The following LHFPL4 variants were observed in gnomAD, a reference collection of about 807,000 sequenced individuals.
LHFPL4 encodes LHFPL tetraspan subfamily member 4, also known as LHFPL tetraspan subfamily member 4 protein.
A neutral mutation model predicts 20.0 loss-of-function variants in LHFPL4; 6 were observed. The observed-to-expected ratio is 0.30, with a 90% CI of 0.16 to 0.59. LHFPL4 has a LOEUF of 0.59. Among genes scored for constraint, LHFPL4 ranks in the 20% least tolerant of loss-of-function variants. LHFPL4 has a pLI of 0.88. For synonymous variants in LHFPL4, 129 were observed against 143.8 expected, an observed-to-expected ratio of 0.90 and a Z score of 0.74; for missense variants, 215 against 331.2, an observed-to-expected ratio of 0.65 and a Z score of 2.72.
intron 2 of LHFPL4, among the ~76,000 whole-genome samples, chr3:9,541,887 A>T (rs2046478931): frequency 6.6e-6 from 1 of 152,192 alleles, no homozygotes; most frequent in South Asian, 2.1e-4. Context: ...CTTTGGGAAC[A>T]TCTGTCAGTT....
intron 3 of LHFPL4, 150 bp from the exon 4 acceptor site, chr3:9,502,461 G>A (rs2046183854): frequency 1.5e-6 from 1 of 654,968 alleles, no homozygotes. Context: ...CAGCACTTTG[G>A]GAGGCTGAGG....
chr3:9,552,211 C>A, intron 2 of LHFPL4, 63 bp downstream of exon 2: 1 of 1,529,458 alleles, frequency 6.5e-7, no homozygotes, highest in Non-Finnish European at 8.8e-7. Context: ...GGAAGGGGAC[C>A]TGGCAGGAAG....
Position 9,506,877 on chromosome 3 carries a change from G to A in LHFPL4, c.407-674C>T, listed in dbSNP as rs181346460. ...ATTATAGGAGTGAGCCACCACACCCGCCCTCATTGTTATTTTTTAAATTCT... is the reference window on the plus strand; with the variant it reads ...ATTATAGGAGTGAGCCACCACACCCACCCTCATTGTTATTTTTTAAATTCT... On this transcript the variant is annotated intron_variant, in intron 2 of 3. Transcript: ENST00000287585. The surrounding 1 kb of genome is among the most constrained non-coding windows in gnomAD (Gnocchi z 4.5). Among the ~76,000 whole-genome samples the A allele has an allele frequency of 1.3e-5, 2 of 152,090 alleles. No homozygotes were observed. Among genetic ancestry groups the A allele is most frequent in the African/African-American group, 2.4e-5 (1 of 41,432 alleles).
In LHFPL4 at chr3:9,500,561, C is replaced by G. The variant is rs996900120; in HGVS notation, c.*1650G>C. 1 of 152,278 alleles carries G rather than the reference C, an allele frequency of 6.6e-6. No individual in the cohort carries two copies. The highest frequency in any genetic ancestry group is 2.1e-4 in the South Asian group (1 of 4,838). 9.4% of individuals were successfully genotyped at this position (152,278 alleles called of 1,614,324 possible). The stretch of plus-strand genomic sequence containing the variant: ...ACTTCTAGGGTCTTTCTTGGAAACC[C>G]TAACTCTCAGGTCCAAGTCCTGTGG... On this transcript the variant is annotated 3_prime_UTR_variant, in exon 4 of 4. Transcript: ENST00000287585.
intron 2 of LHFPL4, among the ~76,000 whole-genome samples, chr3:9,510,604 C>T (rs923700200): frequency 6.6e-6 from 1 of 151,918 alleles, no homozygotes; most frequent in Non-Finnish European, 1.5e-5. Flanking sequence ...TTAAGATGAA[C>T]AATGTTAATA....
chr3:9,528,485 C>T (rs1397051564), intron 2 of LHFPL4, among the ~76,000 whole-genome samples: 2 of 152,158 alleles, frequency 1.3e-5, no homozygotes, highest in East Asian at 3.8e-4. Flanking sequence ...TTCGCCACAC[C>T]TTCAGTTACT....
chr3:9,542,291 G>GA (rs1559523021), intron 2 of LHFPL4, among the ~76,000 whole-genome samples: 1 of 150,852 alleles, frequency 6.6e-6, no homozygotes. Flanking sequence ...GTCTCAAAAA[G>GA]AAAAAAAAGA....
intron 2 of LHFPL4, among the ~76,000 whole-genome samples, chr3:9,534,948 G>A (rs986368480): frequency 6.6e-6 from 1 of 152,038 alleles, no homozygotes; most frequent in Non-Finnish European, 1.5e-5. Context: ...GAAAGAGGGA[G>A]GGGAAGACGA....
chr3:9,507,903 C>T (rs1052788086), intron 2 of LHFPL4, among the ~76,000 whole-genome samples: 6 of 152,242 alleles, frequency 3.9e-5, no homozygotes, highest in African/African-American at 1.4e-4. Flanking sequence ...TCTGCATCAC[C>T]GGCTTGATGG....
intron 2 of LHFPL4, among the ~76,000 whole-genome samples, chr3:9,529,388 A>G (rs2046395519): frequency 6.6e-6 from 1 of 152,156 alleles, no homozygotes. Context: ...GAAGGCTTTC[A>G]ATTTGCATTG....
intron 2 of LHFPL4, among the ~76,000 whole-genome samples, chr3:9,524,457 T>C (rs980685874): frequency 6.6e-6 from 1 of 152,202 alleles, no homozygotes; most frequent in African/African-American, 2.4e-5. Context: ...CTTTTTCCCT[T>C]TACTTTTTGT....
chr3:9,504,236 T>G (rs1351231834), intron 3 of LHFPL4, among the ~76,000 whole-genome samples: 1 of 151,494 alleles, frequency 6.6e-6, no homozygotes, highest in Non-Finnish European at 1.5e-5. Context: ...CTGGGTGTGG[T>G]GGCAACATGC....
intron 2 of LHFPL4, among the ~76,000 whole-genome samples, chr3:9,542,025 C>G (rs1042649331): frequency 6.6e-6 from 1 of 152,076 alleles, no homozygotes; most frequent in Non-Finnish European, 1.5e-5. Context: ...GTGACTCATG[C>G]CTGTAATCCC....
intron 2 of LHFPL4, among the ~76,000 whole-genome samples, chr3:9,514,174 G>C (rs1250624271): frequency 1.3e-5 from 2 of 152,254 alleles, no homozygotes; most frequent in Admixed American, 6.5e-5. Context: ...AGTAGTGGTG[G>C]CTCATGCCTG....
intron 2 of LHFPL4, among the ~76,000 whole-genome samples, chr3:9,524,075 A>G (rs372702615): frequency 7.1e-6 from 1 of 141,444 alleles, no homozygotes; most frequent in Non-Finnish European, 1.5e-5. Context: ...TTGCTTTTCT[A>G]TAGGTAAGAT....
Position 9,506,334 on chromosome 3 carries a change from C to G in LHFPL4, c.407-131G>C. On this transcript the variant is annotated intron_variant, in intron 2 of 3. Coordinates refer to ENST00000287585, the MANE Select transcript of LHFPL4 (RefSeq NM_198560.3). The surrounding 1 kb of genome is among the most constrained non-coding windows in gnomAD (Gnocchi z 4.5). ...AACCCAACCACGTGCTTGTTACCCA[C>G]TTCCACAGAGGGAGAAAGAGAGGGC... 1 of 694,466 alleles carries G rather than the reference C, an allele frequency of 1.4e-6. No homozygotes were observed. The highest frequency in any genetic ancestry group is 1.7e-5 in the South Asian group (1 of 58,994). 43.0% of individuals were successfully genotyped at this position (694,466 alleles called of 1,614,324 possible). A position where few individuals can be genotyped will look rare whatever the true frequency, so the allele number is the denominator to read the frequency against.
intron 2 of LHFPL4, among the ~76,000 whole-genome samples, chr3:9,538,897 A>C (rs1380417083): frequency 6.6e-6 from 1 of 151,566 alleles, no homozygotes; most frequent in African/African-American, 2.4e-5. Context: ...ATGGGATTTC[A>C]CCACATTGGC....
chr3:9,540,557 C>T (rs936554896), intron 2 of LHFPL4, among the ~76,000 whole-genome samples: 3 of 152,068 alleles, frequency 2.0e-5, no homozygotes, highest in African/African-American at 7.2e-5. Flanking sequence ...AGTTGGAGGA[C>T]TCACACTTTC....
In LHFPL4 at chr3:9,506,951, A is replaced by G. The variant is rs191601433; in HGVS notation, c.407-748T>C. Among the ~76,000 whole-genome samples, 49 of 152,196 alleles carry G rather than the reference A, an allele frequency of 3.2e-4. No homozygotes were observed. Among genetic ancestry groups the G allele is most frequent in the African/African-American group, 1.1e-3 (45 of 41,518 alleles). Reference sequence around the variant, plus strand: ...ATTGGGCACCATTTTCCTTTTATTCACGATGCTAGAATATACTTTCATTCA... The same window carrying G: ...ATTGGGCACCATTTTCCTTTTATTCGCGATGCTAGAATATACTTTCATTCA... On this transcript the variant is annotated intron_variant, in intron 2 of 3. Transcript: ENST00000287585. The surrounding 1 kb of genome is among the most constrained non-coding windows in gnomAD (Gnocchi z 4.5).
Sources: allele counts gnomAD v4.1 joint callset (sites outside exome capture counted in the v4.1 genomes callset), GRCh38; gene constraint gnomAD v4.1.1; non-coding constraint Gnocchi (gnomAD v3.1); transcripts MANE v1.5; gene names NCBI Gene and HGNC (gene_info 2026-07-23, HGNC 2026-07-21).